The following ROR2 variants were observed in gnomAD, a reference collection of about 807,000 sequenced individuals.
ROR2 encodes the protein ROR family WNT receptor 2, also known as tyrosine-protein kinase transmembrane receptor ROR2.
ROR2 carries 33 observed loss-of-function variants against 74.9 expected under a neutral mutation model. The observed-to-expected ratio is 0.44, with a 90% CI of 0.33 to 0.59. ROR2 has a LOEUF of 0.59. ROR2 is among the 20% of genes least tolerant of loss of function. The pLI is 0.02. For synonymous variants in ROR2, 586 were observed against 558.7 expected, an observed-to-expected ratio of 1.05 and a Z score of -0.69; for missense variants, 1,216 against 1,313.8, an observed-to-expected ratio of 0.93 and a Z score of 1.15.
intron 1 of ROR2, among the ~76,000 whole-genome samples, chr9:91,855,385 C>A (rs1274030804): frequency 6.6e-6 from 1 of 152,230 alleles, no homozygotes; most frequent in African/African-American, 2.4e-5. Context: ...GAGATCAGGG[C>A]ACGGCGTTCG....
At chr9:91,743,293 C>T (rs72744467) in intron 4 of ROR2, among the ~76,000 whole-genome samples, 11,807 of 151,994 alleles carry the variant, frequency 0.078, 598 homozygotes, top group African/African-American at 0.14. Context: ...TGATAAGGGC[C>T]GGGTGCAGTG....
Position 91,724,011 on chromosome 9 carries a change from G to C in ROR2, c.2483C>G (p.Pro828Arg). Residue 828 changes from proline to arginine, a missense_variant, in exon 9 of 9, where the codon CCG (proline) becomes CGG (arginine). By Grantham distance (103) the Pro-to-Arg change is moderately radical. Transcript: ENST00000375708. Reference protein sequence around the residue: ...YVPVNGYQPVPAYGAYLPNFY... With the variant: ...YVPVNGYQPVRAYGAYLPNFY... ...GTTGGGCAGGTAGGCCCCATAGGCC[G>C]GCACCGGCTGGTAGCCGTTGACGGG... is the stretch of plus-strand genomic sequence containing the variant. The C allele has an allele frequency of 6.8e-6, 11 of 1,612,400 alleles. No individual in the cohort carries two copies. The highest frequency in any genetic ancestry group is 8.5e-6 in the Non-Finnish European group (10 of 1,179,898).
intron 1 of ROR2, among the ~76,000 whole-genome samples, chr9:91,823,659 A>C (rs1015707174): frequency 3.9e-5 from 6 of 152,198 alleles, no homozygotes; most frequent in Admixed American, 3.9e-4. Context: ...GCATACTATC[A>C]ACAACCGCTG....
At chr9:91,808,272 A>C (rs181979758) in intron 1 of ROR2, among the ~76,000 whole-genome samples, 1 of 152,312 alleles carries the variant, frequency 6.6e-6, no homozygotes, top group Admixed American at 6.5e-5. Flanking sequence ...CTAAATATGC[A>C]CTTTGAATGT....
intron 4 of ROR2, among the ~76,000 whole-genome samples, chr9:91,741,453 T>C (rs888907092): frequency 6.6e-6 from 1 of 151,070 alleles, no homozygotes; most frequent in Non-Finnish European, 1.5e-5. Context: ...CCACCAAGAC[T>C]GGCAAGATGG....
At chr9:91,865,197 A>AG (rs1829591981) in intron 1 of ROR2, among the ~76,000 whole-genome samples, 1 of 152,236 alleles carries the variant, frequency 6.6e-6, no homozygotes, top group South Asian at 2.1e-4. Flanking sequence ...CAACAAAGAA[A>AG]GAAACCACAT....
intron 1 of ROR2, among the ~76,000 whole-genome samples, chr9:91,848,962 A>G (rs527329707): frequency 5.9e-4 from 90 of 152,274 alleles, no homozygotes; most frequent in Non-Finnish European, 1.1e-3. Flanking sequence ...TAGGAACATC[A>G]GGACTCTTAC....
chr9:91,754,646 C>T (rs2069082600), intron 4 of ROR2, among the ~76,000 whole-genome samples: 1 of 152,082 alleles, frequency 6.6e-6, no homozygotes, highest in Non-Finnish European at 1.5e-5. Context: ...CAGGGCGAGA[C>T]TCTGTCTCAA....
intron 2 of ROR2, among the ~76,000 whole-genome samples, chr9:91,772,203 A>G (rs1180816276): frequency 6.6e-6 from 1 of 152,228 alleles, no homozygotes; most frequent in Non-Finnish European, 1.5e-5. Flanking sequence ...ATAATTCATG[A>G]GCAAGGGAAA....
intron 6 of ROR2, among the ~76,000 whole-genome samples, chr9:91,731,481 A>T (rs188177505): frequency 6.6e-6 from 1 of 152,246 alleles, no homozygotes; most frequent in Admixed American, 6.5e-5. Context: ...TCTAGGAAGA[A>T]AGCCAACTGT....
chr9:91,779,996 A>G (rs1330646057), intron 1 of ROR2, among the ~76,000 whole-genome samples: 1 of 152,208 alleles, frequency 6.6e-6, no homozygotes. Context: ...AGAATGGCCA[A>G]AGTGAAAGGG....
At chr9:91,793,882 A>C (rs1292371491) in intron 1 of ROR2, among the ~76,000 whole-genome samples, 3 of 152,230 alleles carry the variant, frequency 2.0e-5, no homozygotes, top group Non-Finnish European at 4.4e-5. Flanking sequence ...TAGGAAAGAG[A>C]GTTCATGCAT....
At chr9:91,859,911 G>A (rs1161837919) in intron 1 of ROR2, among the ~76,000 whole-genome samples, 1 of 152,196 alleles carries the variant, frequency 6.6e-6, no homozygotes, top group Non-Finnish European at 1.5e-5. Flanking sequence ...ACAAAGAAAA[G>A]CACAACTAGA....
intron 1 of ROR2, among the ~76,000 whole-genome samples, chr9:91,895,572 C>T (rs764236097): frequency 1.3e-5 from 2 of 152,206 alleles, no homozygotes; most frequent in African/African-American, 2.4e-5. Flanking sequence ...AGGCCAGGCA[C>T]GGTGGCTCAC....
intron 1 of ROR2, among the ~76,000 whole-genome samples, chr9:91,875,797 C>T (rs1829939075): frequency 6.6e-6 from 1 of 152,098 alleles, no homozygotes; most frequent in Non-Finnish European, 1.5e-5. Context: ...ACGATCTTTG[C>T]ATGGGGAGTG....
At position 91,845,877 on chromosome 9, in the gene ROR2, CAAAAAAAAAAA is replaced by C. The variant is rs5899143; in HGVS notation, c.98-70070_98-70060del. On this transcript the variant is annotated intron_variant, in intron 1 of 8. Coordinates refer to ENST00000375708, the MANE Select transcript of ROR2 (RefSeq NM_004560.4). The stretch of plus-strand genomic sequence containing the variant: ...TGGGCAACAGAGCAAGAATCCATCT[CAAAAAAAAAAA>C]AAAAAAAAAAAAAAAAAAAATAGGT... Among the ~76,000 whole-genome samples the C allele has an allele frequency of 6.5e-3, 219 of 33,900 alleles. 1 individual carries two copies. The highest frequency in any genetic ancestry group is 0.02 in the South Asian group (11 of 554). 22.2% of individuals were successfully genotyped at this position (33,900 alleles called of 152,430 possible).
At chr9:91,765,552 T>A (rs545281966) in intron 2 of ROR2, among the ~76,000 whole-genome samples, 1 of 152,350 alleles carries the variant, frequency 6.6e-6, no homozygotes, top group South Asian at 2.1e-4. Context: ...ATGCTGGTAA[T>A]GTAAATCTGG....
At chr9:91,792,285 C>A (rs189053531) in intron 1 of ROR2, among the ~76,000 whole-genome samples, 2 of 150,192 alleles carry the variant, frequency 1.3e-5, no homozygotes, top group African/African-American at 4.9e-5. Context: ...AGAGAAAAAT[C>A]GAGACCAAAA....
chr9:91,901,392 GTCCT>G (rs150465834), intron 1 of ROR2, among the ~76,000 whole-genome samples: 7,885 of 152,244 alleles, frequency 0.052, 262 homozygotes, highest in African/African-American at 0.078. Context: ...AACCAACAGT[GTCCT>G]TCCTCACTGG....
Sources: gnomAD v4.1 joint callset for allele counts (sites outside exome capture counted in the v4.1 genomes callset) on GRCh38, gnomAD v4.1.1 for gene constraint, MANE v1.5 for transcripts, NCBI Gene and HGNC (gene_info 2026-07-23, HGNC 2026-07-21) for gene names.